The following EPB42 variants were observed in gnomAD, a reference collection of about 807,000 sequenced individuals.
EPB42 encodes the protein erythrocyte membrane protein band 4.2, also known as protein 4.2.
A neutral mutation model predicts 76.9 loss-of-function variants in EPB42; 49 were observed. The ratio of observed to expected loss-of-function variants is 0.64; its 90% CI spans 0.51 to 0.81. The LOEUF (loss-of-function observed/expected upper bound fraction) is 0.81. EPB42 is among the 30% of genes least tolerant of loss of function. EPB42 has a pLI of 0.00. For missense variants in EPB42, 731 were observed against 867.6 expected, an observed-to-expected ratio of 0.84 and a Z score of 1.98; for synonymous variants, 310 against 338.4, an observed-to-expected ratio of 0.92 and a Z score of 0.92.
At chr15:43,208,356 T>A (rs2042238268) in intron 7 of EPB42, 23 bp from the exon 8 acceptor site, 1 of 1,611,086 alleles carries the variant, frequency 6.2e-7, no homozygotes, top group Non-Finnish European at 8.5e-7. Context: ...AAGAGAAAAA[T>A]TCAAGTGGGA....
At position 43,197,291 on chromosome 15, in the gene EPB42, G is replaced by A. The variant is rs550139018; in HGVS notation, c.*11C>T. On this transcript the variant is annotated 3_prime_UTR_variant, in exon 13 of 13. Coordinates refer to ENST00000441366, the MANE Select transcript of EPB42 (RefSeq NM_001114134.2). The stretch of plus-strand genomic sequence containing the variant: ...AAGGGTTGGCAGGAGAGTGGTGATA[G>A]AGCTGGAAGTTTAAGCTGATAGTTC... 1.9e-6 allele frequency: 3 copies of A among 1,614,172 alleles called. No homozygotes were observed. The highest frequency in any genetic ancestry group is 1.6e-4 in the Middle Eastern group (1 of 6,062).
At chr15:43,212,184 A>G (rs1030281058) in intron 3 of EPB42, among the ~76,000 whole-genome samples, 2 of 152,130 alleles carry the variant, frequency 1.3e-5, no homozygotes, top group African/African-American at 4.8e-5. Flanking sequence ...CCTGACCAAC[A>G]TGGTGAAACC....
intron 12 of EPB42, among the ~76,000 whole-genome samples, chr15:43,198,822 A>C (rs2042085268): frequency 1.3e-5 from 2 of 152,300 alleles, no homozygotes; most frequent in South Asian, 4.1e-4. Flanking sequence ...ATGCAGCCTA[A>C]GGACTTGGTG....
At chr15:43,213,136 T>C (rs756257181) in intron 3 of EPB42, among the ~76,000 whole-genome samples, 1 of 152,126 alleles carries the variant, frequency 6.6e-6, no homozygotes, top group Non-Finnish European at 1.5e-5. Context: ...TATTTTTTAT[T>C]TTTTTGGAAA....
rs750324023 is a variant in EPB42, at chr15:43,206,347, G to A, written c.1601C>T (p.Thr534Met). The A allele has an allele frequency of 2.1e-5, 34 of 1,611,824 alleles. No homozygotes were observed. The highest frequency in any genetic ancestry group is 1.6e-4 in the Middle Eastern group (1 of 6,080). The change falls in exon 10 of 13, where the codon ACG becomes ATG. Residue 534 changes from threonine (T) to methionine (M), a missense_variant. Physicochemically the swap from Thr to Met is moderately conservative, Grantham distance 81 (BLOSUM62 -1). Transcript: ENST00000441366. This position sits in a 1 kb window ranked among gnomAD's most constrained non-coding sequence, Gnocchi z 4.7. The part of the protein sequence containing the change: ...AKLWRKKLHL[T>M]LSANLEKIIT... ...AGCATTACCCAGGTTGGCACTGAGCGTGAGGTGCAGCTTCTTCCTCCAGAG... is the reference window on the plus strand; with the variant it reads ...AGCATTACCCAGGTTGGCACTGAGCATGAGGTGCAGCTTCTTCCTCCAGAG...
Position 43,208,281 on chromosome 15 carries a change from C to G in EPB42, c.1024G>C (p.Gly342Arg). Residue 342 changes from glycine (G) to arginine (R), a missense_variant, in exon 8 of 13, where the codon GGT becomes CGT. Transcript: ENST00000441366. ...TGCAGAATCTGCCATCCATCATAAC[C>G]CTGGGGCAAGGCAGGCCGCGTCATC... The part of the protein sequence containing the change: ...CWMTRPALPQ[G>R]YDGWQILHPS... The G allele has an allele frequency of 1.2e-6, 2 of 1,614,148 alleles. No homozygotes were observed. Among genetic ancestry groups the G allele is most frequent in the African/African-American group, 1.3e-5 (1 of 75,044 alleles).
intron 3 of EPB42, among the ~76,000 whole-genome samples, chr15:43,213,584 TC>T (rs756251691): frequency 3.3e-5 from 5 of 152,018 alleles, no homozygotes; most frequent in Non-Finnish European, 7.4e-5. Context: ...CTTTGCTGGG[TC>T]TTTATGGCGG....
chr15:43,222,889 G>GA (rs1431117797), upstream of EPB42, among the ~76,000 whole-genome samples: 1 of 152,026 alleles, frequency 6.6e-6, no homozygotes, highest in Non-Finnish European at 1.5e-5. Context: ...AGTAATAGAA[G>GA]AAAAAATGAG....
At chr15:43,199,009 T>C (rs996857156) in intron 12 of EPB42, among the ~76,000 whole-genome samples, 7 of 152,206 alleles carry the variant, frequency 4.6e-5, no homozygotes, top group Admixed American at 1.3e-4. Flanking sequence ...AGAATATCTA[T>C]GGAAATTCTG....
In EPB42 at chr15:43,201,895, C is replaced by A. The variant is rs757492963; in HGVS notation, c.1862G>T (p.Cys621Phe). The A allele has an allele frequency of 1.2e-6, 2 of 1,614,192 alleles. No homozygotes were observed. Among genetic ancestry groups the A allele is most frequent in the East Asian group, 4.5e-5 (2 of 44,892 alleles). Residue 621 changes from cysteine to phenylalanine, a missense_variant, in exon 12 of 13, where the codon TGT becomes TTT. Transcript: ENST00000441366. ...CCCCCTTCCCAGGATGGAGATCACA[C>A]AGTCCTCCATGGGGGCATCTAGGGA... is the stretch of plus-strand genomic sequence containing the variant. ...QNSLDAPMED[C>F]VISILGRGLI...
At chr15:43,200,814 C>CG (rs1555471268) in intron 12 of EPB42, among the ~76,000 whole-genome samples, 12 of 57,162 alleles carry the variant, frequency 2.1e-4, no homozygotes, top group African/African-American at 9.3e-4. Context: ...CAGACTCCAC[C>CG]AAATTTTTTT....
chr15:43,211,205 T>C (rs533245583), intron 4 of EPB42, among the ~76,000 whole-genome samples: 3 of 152,014 alleles, frequency 2.0e-5, no homozygotes, highest in Non-Finnish European at 4.4e-5. Flanking sequence ...TGGGGCTTGA[T>C]TTGCCACAGT....
chr15:43,209,192 CT>C, intron 6 of EPB42, 81 bp downstream of exon 6: 1 of 1,540,140 alleles, frequency 6.5e-7, no homozygotes, highest in Non-Finnish European at 8.9e-7. Flanking sequence ...GCAGCACCTG[CT>C]TTTGGAGATG....
intron 3 of EPB42, 121 bp from the exon 4 acceptor site, chr15:43,211,655 C>G: frequency 1.3e-6 from 1 of 766,166 alleles, no homozygotes; most frequent in South Asian, 1.4e-5. Flanking sequence ...CAGCTCTGGG[C>G]CTAATGAAGA....
chr15:43,217,594 T>C (rs953352636), intron 1 of EPB42, among the ~76,000 whole-genome samples: 49 of 152,220 alleles, frequency 3.2e-4, no homozygotes, highest in African/African-American at 1.1e-3. Flanking sequence ...AATTGTGTAC[T>C]TTTTGTTCCT....
At chr15:43,217,550 G>GT (rs1287245525) in intron 1 of EPB42, among the ~76,000 whole-genome samples, 3 of 152,080 alleles carry the variant, frequency 2.0e-5, no homozygotes, top group South Asian at 4.2e-4. Flanking sequence ...AAAAAAGTTG[G>GT]TTTTTTTGTT....
chr15:43,207,096 G>C, intron 9 of EPB42, 103 bp downstream of exon 9: 2 of 1,541,754 alleles, frequency 1.3e-6, no homozygotes, highest in Middle Eastern at 4.5e-4. Context: ...TATATGATGC[G>C]GAAAGGACAA....
intron 4 of EPB42, among the ~76,000 whole-genome samples, chr15:43,210,756 T>C (rs982599052): frequency 6.6e-6 from 1 of 152,140 alleles, no homozygotes; most frequent in Non-Finnish European, 1.5e-5. Context: ...TCCATTTCCA[T>C]TTAGTGAACC....
chr15:43,207,512 C>T (rs1407761697), intron 8 of EPB42, 71 bp from the exon 9 acceptor site: 1 of 1,601,012 alleles, frequency 6.2e-7, no homozygotes, highest in African/African-American at 1.3e-5. Context: ...ACTGCGTAAC[C>T]TCAGTCCCCA....
Sources: gnomAD v4.1 joint callset for allele counts (sites outside exome capture counted in the v4.1 genomes callset) on GRCh38, gnomAD v4.1.1 for gene constraint, Gnocchi (gnomAD v3.1) non-coding constraint, MANE v1.5 for transcripts, NCBI Gene and HGNC (gene_info 2026-07-23, HGNC 2026-07-21) for gene names.